Variants in CYRIB observed in about 807,000 individuals in gnomAD.
CYRIB encodes CYFIP related Rac1 interactor B.
Under a neutral mutation model 44.2 loss-of-function variants are expected in CYRIB, and 8 were observed. The ratio of observed to expected loss-of-function variants is 0.18; its 90% CI spans 0.11 to 0.33. The LOEUF (loss-of-function observed/expected upper bound fraction) is 0.33, where lower values mean the gene tolerates loss of function less well. Ranked by LOEUF, CYRIB falls within the 10% of genes least tolerant of loss-of-function variation. CYRIB has a pLI of 1.00. For missense variants in CYRIB, 185 were observed against 382.8 expected (o/e 0.48, Z 4.31); for synonymous variants, 131 against 127.2 (o/e 1.03, Z -0.20).
At chr8:129,999,587 T>A (rs2096861120) in intron 1 of CYRIB, among the ~76,000 whole-genome samples, 1 of 152,208 alleles carries the variant, frequency 6.6e-6, no homozygotes, top group Non-Finnish European at 1.5e-5. Context: ...CCCCAACGAT[T>A]GGCTAAGTTG....
upstream of CYRIB, among the ~76,000 whole-genome samples, chr8:129,941,903 C>T (rs1182934205): frequency 6.6e-6 from 1 of 152,162 alleles, no homozygotes; most frequent in Non-Finnish European, 1.5e-5. Flanking sequence ...TTGTGAGGAA[C>T]CTCTTTTACA....
intron 2 of CYRIB, among the ~76,000 whole-genome samples, chr8:129,959,735 G>A (rs2095125400): frequency 6.6e-6 from 1 of 152,200 alleles, no homozygotes; most frequent in Admixed American, 6.5e-5. Context: ...GCATTCTTCA[G>A]TCAGGCACAC....
intron 2 of CYRIB, among the ~76,000 whole-genome samples, chr8:129,959,395 G>A (rs2095102114): frequency 6.6e-6 from 1 of 152,074 alleles, no homozygotes; most frequent in Admixed American, 6.6e-5. Context: ...AGGACATTAT[G>A]AGAATTTACT....
chr8:130,014,629 C>T (rs1420999527), intron 1 of CYRIB, among the ~76,000 whole-genome samples: 1 of 152,150 alleles, frequency 6.6e-6, no homozygotes, highest in Admixed American at 6.5e-5. Flanking sequence ...CTGTCAGAGA[C>T]AGCAAAATTA....
At chr8:129,870,290 G>C (rs1347356549) in intron 4 of CYRIB, among the ~76,000 whole-genome samples, 1 of 152,190 alleles carries the variant, frequency 6.6e-6, no homozygotes, top group Non-Finnish European at 1.5e-5. Flanking sequence ...ATGGTGGTGA[G>C]TGCCAGCTAC....
At chr8:129,898,361 A>G (rs968264784) in intron 2 of CYRIB, among the ~76,000 whole-genome samples, 13 of 152,208 alleles carry the variant, frequency 8.5e-5, no homozygotes, top group Non-Finnish European at 1.9e-4. Context: ...TAGAAAAAAA[A>G]TTTCACTGGA....
chr8:129,915,305 T>C (rs1369721430), intron 1 of CYRIB, among the ~76,000 whole-genome samples: 1 of 152,094 alleles, frequency 6.6e-6, no homozygotes, highest in Non-Finnish European at 1.5e-5. Context: ...TATTCAGCAA[T>C]AAAAGAAACA....
intron 1 of CYRIB, among the ~76,000 whole-genome samples, chr8:130,002,083 T>C (rs1223405666): frequency 6.6e-6 from 1 of 152,228 alleles, no homozygotes; most frequent in Non-Finnish European, 1.5e-5. Flanking sequence ...GAACTGTTTT[T>C]GTTGTATATC....
At chr8:129,943,086 A>ACACC (rs2093841656), upstream of CYRIB, among the ~76,000 whole-genome samples, 1 of 101,580 alleles carries the variant, frequency 9.8e-6, no homozygotes, top group Non-Finnish European at 2.2e-5. Flanking sequence ...TGCACCGCCC[A>ACACC]CCCGCCCCCC....
At chr8:129,847,066 CT>C in intron 10 of CYRIB, 192 bp from the exon 13 acceptor site, 1 of 477,898 alleles carries the variant, frequency 2.1e-6, no homozygotes, top group Non-Finnish European at 3.6e-6. Flanking sequence ...AAAACAAAAT[CT>C]TTTTGAGAAC....
intron 1 of CYRIB, among the ~76,000 whole-genome samples, chr8:130,009,880 G>A (rs1259844910): frequency 1.3e-5 from 2 of 152,218 alleles, no homozygotes; most frequent in Non-Finnish European, 2.9e-5. Context: ...GGCTCCATCA[G>A]CCCTGCCATG....
At chr8:129,950,817 G>C (rs539024277) in intron 2 of CYRIB, among the ~76,000 whole-genome samples, 33 of 152,282 alleles carry the variant, frequency 2.2e-4, no homozygotes, top group Non-Finnish European at 3.1e-4. Context: ...TATAGGGAAA[G>C]GGCATAGTAG....
At chr8:129,971,586 G>C (rs1174392745) in intron 1 of CYRIB, among the ~76,000 whole-genome samples, 1 of 152,206 alleles carries the variant, frequency 6.6e-6, no homozygotes, top group East Asian at 1.9e-4. Context: ...CAGTTTGGCT[G>C]GACTGTGTTG....
intron 1 of CYRIB, among the ~76,000 whole-genome samples, chr8:130,001,261 T>C (rs2096900537): frequency 1.3e-5 from 2 of 152,094 alleles, no homozygotes; most frequent in African/African-American, 4.8e-5. Flanking sequence ...TTCTGAAAAG[T>C]GGTCCCTCTC....
intron 4 of CYRIB, chr8:129,864,849 T>C (rs970961860): frequency 2.1e-5 from 9 of 423,362 alleles, no homozygotes; most frequent in Non-Finnish European, 2.8e-5. Context: ...TTTTGAGGTT[T>C]TCCTCATTGA....
intron 5 of CYRIB, among the ~76,000 whole-genome samples, chr8:129,860,320 C>A (rs1467044232): frequency 6.6e-6 from 1 of 152,172 alleles, no homozygotes; most frequent in Non-Finnish European, 1.5e-5. Flanking sequence ...TGAGCACCAT[C>A]AAAAGCAATT....
At chr8:130,014,888 C>T (rs1202316791) in intron 1 of CYRIB, among the ~76,000 whole-genome samples, 1 of 152,168 alleles carries the variant, frequency 6.6e-6, no homozygotes, top group African/African-American at 2.4e-5. Context: ...CGGGCTTCCC[C>T]CACATTACAG....
chr8:129,959,067 A>C (rs1387800601), intron 2 of CYRIB, among the ~76,000 whole-genome samples: 1 of 149,418 alleles, frequency 6.7e-6, no homozygotes, highest in Non-Finnish European at 1.5e-5. Context: ...CTCAAAAAAA[A>C]AAAAAAAAAA....
intron 2 of CYRIB, among the ~76,000 whole-genome samples, chr8:129,953,599 C>T (rs1264132460): frequency 1.3e-5 from 2 of 152,172 alleles, no homozygotes; most frequent in African/African-American, 4.8e-5. Context: ...GTAGCGGCCA[C>T]ACTATTTTGT....
Sources: allele counts gnomAD v4.1 joint callset (sites outside exome capture counted in the v4.1 genomes callset), GRCh38; gene constraint gnomAD v4.1.1; transcripts MANE v1.5; gene names NCBI Gene and HGNC (gene_info 2026-07-23, HGNC 2026-07-21).